The following ELAVL4 variants were observed in gnomAD, a reference collection of about 807,000 sequenced individuals.
ELAVL4 encodes the protein ELAV like RNA binding protein 4.
Under a neutral mutation model 35.6 loss-of-function variants are expected in ELAVL4, and 1 was observed. The observed-to-expected ratio is 0.03, with a 90% CI of 0.01 to 0.13. The LOEUF (loss-of-function observed/expected upper bound fraction) is 0.13. Ranked by LOEUF, ELAVL4 falls within the 10% of genes least tolerant of loss-of-function variation. ELAVL4 has a pLI of 1.00. For synonymous variants in ELAVL4, 156 were observed against 171.0 expected, an observed-to-expected ratio of 0.91 and a Z score of 0.69; for missense variants, 267 against 464.9, an observed-to-expected ratio of 0.57 and a Z score of 3.91.
rs1188287527 is a variant in ELAVL4, at chr1:50,203,539, T to G, written c.*2361T>G. On this transcript the variant is annotated 3_prime_UTR_variant, in exon 7 of 7. Coordinates refer to ENST00000371824, the MANE Select transcript of ELAVL4 (RefSeq NM_001144774.3). ...TTGCTAAGCATTAGTGGGAAAGGCA[T>G]GCCAAAATCTTCTCTATAATGTGTT... is the stretch of plus-strand genomic sequence containing the variant. 1 of 151,870 alleles carries G rather than the reference T, an allele frequency of 6.6e-6. No individual in the cohort carries two copies. The highest frequency in any genetic ancestry group is 1.9e-4 in the East Asian group (1 of 5,186). 9.4% of individuals were successfully genotyped at this position (151,870 alleles called of 1,614,324 possible).
chr1:50,179,172 C>A (rs770295260), intron 3 of ELAVL4, among the ~76,000 whole-genome samples: 1 of 152,068 alleles, frequency 6.6e-6, no homozygotes, highest in Non-Finnish European at 1.5e-5. Flanking sequence ...TTTCCCCACC[C>A]CCTCACCCAC....
chr1:50,151,763 AC>A (rs1674830624), intron 2 of ELAVL4, among the ~76,000 whole-genome samples: 1 of 151,942 alleles, frequency 6.6e-6, no homozygotes, highest in Non-Finnish European at 1.5e-5. Flanking sequence ...TTTATTTACC[AC>A]CTCCCTGCAG....
intron 3 of ELAVL4, among the ~76,000 whole-genome samples, chr1:50,182,009 A>C (rs550093665): frequency 7.2e-5 from 11 of 152,330 alleles, no homozygotes; most frequent in Middle Eastern, 3.4e-3. Context: ...GTCGTCTCCA[A>C]TAGGGATCAT....
upstream of ELAVL4, among the ~76,000 whole-genome samples, chr1:50,100,587 C>T (rs932520123): frequency 5.3e-5 from 8 of 152,316 alleles, no homozygotes; most frequent in East Asian, 1.9e-4. Flanking sequence ...CTATCTCTAA[C>T]ACTTAATTTT....
At position 50,201,238 on chromosome 1, in the gene ELAVL4, C is replaced by T. The variant is rs905557649; in HGVS notation, c.*60C>T. 3.6e-4 allele frequency: 532 copies of T among 1,461,888 alleles called. 2 individuals are homozygous for T. The highest frequency in any genetic ancestry group is 1.4e-3 in the East Asian group (57 of 40,164). 90.6% of individuals were successfully genotyped at this position (1,461,888 alleles called of 1,614,324 possible). A position where few individuals can be genotyped will look rare whatever the true frequency, so the allele number is the denominator to read the frequency against. On this transcript the variant is annotated 3_prime_UTR_variant, in exon 7 of 7. Coordinates refer to ENST00000371824, the MANE Select transcript of ELAVL4 (RefSeq NM_001144774.3). The surrounding 1 kb of genome is among the most constrained non-coding windows in gnomAD (Gnocchi z 4.3). The stretch of plus-strand genomic sequence containing the variant: ...AATATATACGAACAAAACACACGCG[C>T]GCACACACACACATACACGAAAGAG...
chr1:50,091,749 A>G (rs1470039477), intron 1 of ELAVL4, among the ~76,000 whole-genome samples: 3 of 152,206 alleles, frequency 2.0e-5, no homozygotes, highest in Non-Finnish European at 4.4e-5. Flanking sequence ...GTATTGAAAC[A>G]ACATTTTCTT....
At chr1:50,139,903 T>G (rs201515348) in intron 1 of ELAVL4, among the ~76,000 whole-genome samples, 2 of 152,274 alleles carry the variant, frequency 1.3e-5, no homozygotes, top group East Asian at 1.9e-4. Flanking sequence ...GTGTGAGTAA[T>G]TAGTCATTCA....
chr1:50,089,357 A>G (rs149961058), intron 1 of ELAVL4, among the ~76,000 whole-genome samples: 1 of 152,226 alleles, frequency 6.6e-6, no homozygotes, highest in Non-Finnish European at 1.5e-5. Flanking sequence ...TTTAGATTCC[A>G]GGATGATCTC....
At chr1:50,108,031 G>T (rs1435272684), upstream of ELAVL4, among the ~76,000 whole-genome samples, 2 of 152,192 alleles carry the variant, frequency 1.3e-5, no homozygotes, top group Non-Finnish European at 2.9e-5. Flanking sequence ...TTGAAATGAG[G>T]CTGTTGTCAA....
intron 4 of ELAVL4, among the ~76,000 whole-genome samples, chr1:50,195,008 G>A (rs1643946928): frequency 6.6e-6 from 1 of 152,190 alleles, no homozygotes; most frequent in Non-Finnish European, 1.5e-5. Flanking sequence ...GTGCCAAGAA[G>A]TCTGGACTTT....
intron 1 of ELAVL4, among the ~76,000 whole-genome samples, chr1:50,125,386 T>A (rs547199016): frequency 9.2e-5 from 14 of 152,108 alleles, no homozygotes; most frequent in East Asian, 2.0e-4. Context: ...GAGGCCACAA[T>A]AGTTCAGCCA....
chr1:50,093,317 T>C (rs1230776504), intron 1 of ELAVL4, among the ~76,000 whole-genome samples: 1 of 152,198 alleles, frequency 6.6e-6, no homozygotes, highest in African/African-American at 2.4e-5. Context: ...TGTTTGTTTG[T>C]TTTTAAACTT....
intron 2 of ELAVL4, among the ~76,000 whole-genome samples, chr1:50,169,294 A>T (rs1678560287): frequency 6.6e-6 from 1 of 152,084 alleles, no homozygotes; most frequent in African/African-American, 2.4e-5. Context: ...CTCAAATGTT[A>T]ATCTCTTTTG....
chr1:50,120,122 A>G (rs1394348130), intron 1 of ELAVL4, among the ~76,000 whole-genome samples: 2 of 151,686 alleles, frequency 1.3e-5, no homozygotes, highest in East Asian at 3.9e-4. Flanking sequence ...TGCATCCTGG[A>G]GCATCATAGT....
rs1557728912 is a variant in ELAVL4 at position 50,120,060 on chromosome 1, A to C, written c.9+10862A>C. Among the ~76,000 whole-genome samples the C allele has an allele frequency of 8.2e-5, 12 of 147,190 alleles. No homozygotes were observed. In the South Asian group the frequency reaches 2.6e-3, roughly 32 times the overall value. ...CAAATTTTTCGTTGGAGAATCAACA[A>C]ATATATATATATATATATAGCATGT... On this transcript the variant is annotated intron_variant, in intron 1 of 6. Coordinates refer to ENST00000371824, the MANE Select transcript of ELAVL4 (RefSeq NM_001144774.3).
chr1:50,194,604 A>T (rs1239762649), intron 4 of ELAVL4, among the ~76,000 whole-genome samples: 1 of 152,192 alleles, frequency 6.6e-6, no homozygotes, highest in Non-Finnish European at 1.5e-5. Flanking sequence ...CCTTCACAGA[A>T]GTCTGCTCTG....
At chr1:50,099,072 G>A (rs1665841539), upstream of ELAVL4, among the ~76,000 whole-genome samples, 4 of 152,312 alleles carry the variant, frequency 2.6e-5, no homozygotes, top group South Asian at 8.3e-4. Flanking sequence ...ATGTATTAGT[G>A]AATAGAGCAT....
intron 1 of ELAVL4, among the ~76,000 whole-genome samples, chr1:50,072,148 G>A (rs915150771): frequency 6.6e-6 from 1 of 152,152 alleles, no homozygotes; most frequent in Non-Finnish European, 1.5e-5. Context: ...TGAGTGCAGT[G>A]AGTAAGAATC....
At chr1:50,056,544 C>A (rs546083134) in intron 1 of ELAVL4, among the ~76,000 whole-genome samples, 1 of 152,152 alleles carries the variant, frequency 6.6e-6, no homozygotes, top group African/African-American at 2.4e-5. Flanking sequence ...AAAAGTATAG[C>A]ACATACAATT....
Sources: allele counts gnomAD v4.1 joint callset (sites outside exome capture counted in the v4.1 genomes callset), GRCh38; gene constraint gnomAD v4.1.1; non-coding constraint Gnocchi (gnomAD v3.1); transcripts MANE v1.5; gene names NCBI Gene and HGNC (gene_info 2026-07-23, HGNC 2026-07-21).